The following SLC2A13 variants were observed in gnomAD, a reference collection of about 807,000 sequenced individuals.
SLC2A13 encodes the protein solute carrier family 2 member 13.
SLC2A13 carries 32 observed loss-of-function variants against 64.4 expected under a neutral mutation model. The ratio of observed to expected loss-of-function variants is 0.50; its 90% CI spans 0.37 to 0.67. The LOEUF (loss-of-function observed/expected upper bound fraction) is 0.67, where lower values mean the gene tolerates loss of function less well. Ranked by LOEUF, SLC2A13 falls within the 30% of genes least tolerant of loss-of-function variation. The pLI is 0.00. For synonymous variants in SLC2A13, 338 were observed against 327.1 expected (o/e 1.03, Z -0.36); for missense variants, 743 against 829.2 (o/e 0.90, Z 1.28).
chr12:39,828,463 A>T (rs954695371), intron 7 of SLC2A13, among the ~76,000 whole-genome samples: 1 of 152,136 alleles, frequency 6.6e-6, no homozygotes, highest in Admixed American at 6.6e-5. Flanking sequence ...AAATAAAGGA[A>T]TAAACATTTC....
intron 3 of SLC2A13, among the ~76,000 whole-genome samples, chr12:39,995,985 G>T (rs763788038): frequency 2.6e-5 from 4 of 152,216 alleles, no homozygotes; most frequent in South Asian, 2.1e-4. Context: ...TCTCAGGTAT[G>T]TCTTTATCAG....
intron 4 of SLC2A13, among the ~76,000 whole-genome samples, chr12:39,942,630 G>T (rs1209691338): frequency 6.6e-6 from 1 of 152,098 alleles, no homozygotes; most frequent in African/African-American, 2.4e-5. Flanking sequence ...TATTCCTCTG[G>T]TTATTCTCGT....
chr12:39,884,012 A>G (rs982755592), intron 4 of SLC2A13, among the ~76,000 whole-genome samples: 5 of 152,332 alleles, frequency 3.3e-5, no homozygotes, highest in Admixed American at 3.3e-4. Flanking sequence ...CCAATTTCCT[A>G]TAATAAGCAT....
At chr12:39,767,268 C>T (rs1940390159) in intron 7 of SLC2A13, among the ~76,000 whole-genome samples, 1 of 151,040 alleles carries the variant, frequency 6.6e-6, no homozygotes, top group South Asian at 2.1e-4. Context: ...TGACCAGTGT[C>T]ATTGTCAATC....
chr12:40,100,969 CAAAAAAAAAA>C (rs10633826), intron 1 of SLC2A13, among the ~76,000 whole-genome samples: 6 of 84,690 alleles, frequency 7.1e-5, no homozygotes, highest in African/African-American at 2.4e-4. Context: ...CCATCTCAGA[CAAAAAAAAAA>C]AAAAAAAAAA....
intron 7 of SLC2A13, among the ~76,000 whole-genome samples, chr12:39,827,563 C>A (rs1259302866): frequency 3.3e-5 from 5 of 152,146 alleles, no homozygotes; most frequent in Non-Finnish European, 7.4e-5. Flanking sequence ...CTTTCAAGTT[C>A]TGCTGTGCAT....
At chr12:40,004,060 T>TA (rs1279701577) in intron 3 of SLC2A13, among the ~76,000 whole-genome samples, 7 of 152,052 alleles carry the variant, frequency 4.6e-5, no homozygotes, top group African/African-American at 1.4e-4. Context: ...AATACAAATT[T>TA]AAAAAAAGAT....
chr12:40,066,989 T>C (rs1414026054), intron 1 of SLC2A13, among the ~76,000 whole-genome samples: 2 of 152,162 alleles, frequency 1.3e-5, no homozygotes, highest in East Asian at 1.9e-4. Flanking sequence ...TTATGTGGCA[T>C]ATAGACAGAA....
At chr12:39,844,017 A>T (rs1433548055) in intron 6 of SLC2A13, among the ~76,000 whole-genome samples, 3 of 151,998 alleles carry the variant, frequency 2.0e-5, no homozygotes, top group Non-Finnish European at 4.4e-5. Flanking sequence ...AAAAAGGATA[A>T]ATAAAAATAA....
At chr12:39,898,478 G>A (rs1470441236) in intron 4 of SLC2A13, among the ~76,000 whole-genome samples, 1 of 144,496 alleles carries the variant, frequency 6.9e-6, no homozygotes, top group Non-Finnish European at 1.5e-5. Context: ...CTGCCACTCA[G>A]TAGTTCTATA....
chr12:39,933,003 G>T (rs1945854709), intron 4 of SLC2A13, among the ~76,000 whole-genome samples: 1 of 152,016 alleles, frequency 6.6e-6, no homozygotes. Context: ...GAGGTGGGTG[G>T]ATACTTGAGG....
intron 3 of SLC2A13, among the ~76,000 whole-genome samples, chr12:39,983,144 G>T (rs1946947667): frequency 6.6e-6 from 1 of 151,682 alleles, no homozygotes; most frequent in African/African-American, 2.4e-5. Flanking sequence ...GCTGAAACTG[G>T]ATCCCTTCCT....
rs544323443 is a variant in SLC2A13, at chr12:39,779,595, A to G, written c.1446-14737T>C. 1.4e-4 allele frequency among the ~76,000 whole-genome samples: 21 copies of G among 152,294 alleles called. No individual in the cohort carries two copies. The South Asian group carries it at 4.4e-3, about 32-fold the overall frequency. ...AATTAAAACACTTTTTTTGCTTCCC[A>G]TTAGGCTGATCTTTTGTCATCTGAC... On this transcript the variant is annotated intron_variant, in intron 7 of 9. Coordinates refer to ENST00000280871, the MANE Select transcript of SLC2A13 (RefSeq NM_052885.4).
intron 4 of SLC2A13, chr12:39,908,187 T>C (rs890068356): frequency 1.3e-5 from 2 of 152,088 alleles, no homozygotes; most frequent in African/African-American, 2.4e-5. Context: ...TATCTCTGGA[T>C]ACACAAAGAG....
intron 3 of SLC2A13, among the ~76,000 whole-genome samples, chr12:39,979,432 T>G (rs1946842769): frequency 7.2e-6 from 1 of 138,668 alleles, no homozygotes; most frequent in Non-Finnish European, 1.6e-5. Context: ...TGAAAAAAAT[T>G]TATAAGAATG....
chr12:39,891,988 G>A (rs1401773946), intron 4 of SLC2A13, among the ~76,000 whole-genome samples: 1 of 152,060 alleles, frequency 6.6e-6, no homozygotes, highest in Non-Finnish European at 1.5e-5. Context: ...TTTTTACTAG[G>A]TTTAATCAAG....
chr12:39,837,107 A>C (rs1325402716), intron 6 of SLC2A13, among the ~76,000 whole-genome samples: 11 of 100,268 alleles, frequency 1.1e-4, no homozygotes, highest in African/African-American at 4.1e-4. Context: ...AGGCTACAGT[A>C]ACCAAAACAG....
At chr12:39,826,899 T>G (rs1271975709) in intron 7 of SLC2A13, among the ~76,000 whole-genome samples, 1 of 149,070 alleles carries the variant, frequency 6.7e-6, no homozygotes, top group East Asian at 2.0e-4. Context: ...TATGTATTCA[T>G]TTGTCCATCT....
At chr12:40,075,038 T>A (rs1429535246) in intron 1 of SLC2A13, among the ~76,000 whole-genome samples, 1 of 152,166 alleles carries the variant, frequency 6.6e-6, no homozygotes, top group Non-Finnish European at 1.5e-5. Flanking sequence ...TTTTAACTAA[T>A]TTTTTCTGAA....
Sources: gnomAD v4.1 joint callset for allele counts (sites outside exome capture counted in the v4.1 genomes callset) on GRCh38, gnomAD v4.1.1 for gene constraint, MANE v1.5 for transcripts, NCBI Gene and HGNC (gene_info 2026-07-23, HGNC 2026-07-21) for gene names.